LEP: variants seen among roughly 807,000 people sequenced by gnomAD.
LEP encodes the protein leptin, also known as leptin (murine obesity homolog).
LEP carries 6 observed loss-of-function variants against 9.8 expected under a neutral mutation model. The ratio of observed to expected loss-of-function variants is 0.61; its 90% CI spans 0.34 to 1.21. The LOEUF is 1.21. Among genes scored for constraint, LEP ranks in the 50% most tolerant of loss-of-function variants. LEP has a pLI of 0.04. For synonymous variants in LEP, 112 were observed against 81.7 expected, an observed-to-expected ratio of 1.37 and a Z score of -2.00; for missense variants, 134 against 198.1, an observed-to-expected ratio of 0.68 and a Z score of 1.94.
At chr7:128,242,307 C>G (rs980063563) in intron 1 of LEP, among the ~76,000 whole-genome samples, 6 of 152,182 alleles carry the variant, frequency 3.9e-5, no homozygotes, top group Non-Finnish European at 8.8e-5. Flanking sequence ...CACAGGCTCT[C>G]TTCCTTTGCA....
chr7:128,245,325 A>G (rs1795198734), intron 1 of LEP, among the ~76,000 whole-genome samples: 1 of 152,114 alleles, frequency 6.6e-6, no homozygotes, highest in South Asian at 2.1e-4. Context: ...CCATCCCCGG[A>G]GTCCCTCTTC....
chr7:128,255,806 C>G lies in LEP; in HGVS notation c.*1043C>G, dbSNP rs1364724610. 6.6e-6 allele frequency: 1 copy of G among 152,110 alleles called. No homozygotes were observed. The highest frequency in any genetic ancestry group is 1.5e-5 in the Non-Finnish European group (1 of 68,028). The allele number at this position is 152,110 out of a possible 1,614,324, so 9.4% of individuals were successfully genotyped here. A position where few individuals can be genotyped will look rare whatever the true frequency, so the allele number is the denominator to read the frequency against. On this transcript the variant is annotated 3_prime_UTR_variant, in exon 3 of 3. Coordinates refer to ENST00000308868, the MANE Select transcript of LEP (RefSeq NM_000230.3). ...AGAGAAGTTTCTGGCCCTGGCTGACCCCAAAGAGCCTGGAGAAGCTGATGC... is the reference window on the plus strand; with the variant it reads ...AGAGAAGTTTCTGGCCCTGGCTGACGCCAAAGAGCCTGGAGAAGCTGATGC...
chr7:128,247,999 C>T (rs1235618401), intron 1 of LEP, among the ~76,000 whole-genome samples: 1 of 152,182 alleles, frequency 6.6e-6, no homozygotes, highest in African/African-American at 2.4e-5. Flanking sequence ...CTTGGCCAGG[C>T]GCAGTGGCTC....
intron 2 of LEP, among the ~76,000 whole-genome samples, chr7:128,253,648 G>T (rs1795301097): frequency 1.3e-5 from 2 of 152,178 alleles, no homozygotes; most frequent in South Asian, 4.1e-4. Context: ...TGGGCAGTTA[G>T]GGAGAAGTTA....
intron 1 of LEP, among the ~76,000 whole-genome samples, chr7:128,248,807 C>G (rs538575372): frequency 6.6e-6 from 1 of 152,210 alleles, no homozygotes; most frequent in Non-Finnish European, 1.5e-5. Flanking sequence ...CTTCCCACTC[C>G]TGATTCCACT....
chr7:128,250,958 TTTTAA>T (rs1192312332), intron 1 of LEP, among the ~76,000 whole-genome samples: 1 of 152,216 alleles, frequency 6.6e-6, no homozygotes, highest in Non-Finnish European at 1.5e-5. Flanking sequence ...CTGCATATTA[TTTTAA>T]TTTTAGAATT....
chr7:128,250,531 A>G (rs1420126487), intron 1 of LEP, among the ~76,000 whole-genome samples: 1 of 152,116 alleles, frequency 6.6e-6, no homozygotes, highest in African/African-American at 2.4e-5. Flanking sequence ...TGACTCTGTC[A>G]TGGACCTGTT....
At position 128,252,094 on chromosome 7, in the gene LEP, A is replaced by G. The variant is rs1795281758; in HGVS notation, c.76A>G (p.Lys26Glu). 6.2e-7 allele frequency: 1 copy of G among 1,614,050 alleles called. No homozygotes were observed. The highest frequency in any genetic ancestry group is 1.1e-5 in the South Asian group (1 of 91,078). ...CTATGTCCAAGCTGTGCCCATCCAA[A>G]AAGTCCAAGATGACACCAAAACCCT... Reference protein sequence around the residue: ...LFYVQAVPIQKVQDDTKTLIK... With the variant: ...LFYVQAVPIQEVQDDTKTLIK... Residue 26 changes from lysine to glutamate, a missense_variant, in exon 2 of 3, where the codon AAA becomes GAA. Coordinates refer to ENST00000308868, the MANE Select transcript of LEP (RefSeq NM_000230.3).
At chr7:128,251,371 G>A (rs1353623057) in intron 1 of LEP, among the ~76,000 whole-genome samples, 2 of 152,232 alleles carry the variant, frequency 1.3e-5, no homozygotes, top group Non-Finnish European at 2.9e-5. Flanking sequence ...CTCCCAGTGG[G>A]TGGGAGAGAA....
chr7:128,255,129 A>T lies in LEP; in HGVS notation c.*366A>T, dbSNP rs28954118. Reference sequence around the variant, plus strand: ...CCAGGGGTGATTTCAGAGAGGGCAGAGGGGTAGGCAGAGCCTTTGGATGAC... The same window carrying T: ...CCAGGGGTGATTTCAGAGAGGGCAGTGGGGTAGGCAGAGCCTTTGGATGAC... On this transcript the variant is annotated 3_prime_UTR_variant, in exon 3 of 3. Transcript: ENST00000308868. 0.04 allele frequency: 11,554 copies of T among 290,492 alleles called. 278 individuals are homozygous for T. The highest frequency in any genetic ancestry group is 0.099 in the Middle Eastern group (79 of 798). The allele number at this position is 290,492 out of a possible 1,614,324, so 18.0% of individuals were successfully genotyped here.
intron 2 of LEP, among the ~76,000 whole-genome samples, chr7:128,253,218 C>CT (rs2116224676): frequency 6.6e-6 from 1 of 152,266 alleles, no homozygotes; most frequent in Non-Finnish European, 1.5e-5. Flanking sequence ...CATTAGGGTT[C>CT]TTGTAGTTCC....
At chr7:128,253,107 C>T (rs919055457) in intron 2 of LEP, among the ~76,000 whole-genome samples, 15 of 152,086 alleles carry the variant, frequency 9.9e-5, no homozygotes, top group African/African-American at 3.1e-4. Flanking sequence ...TTAGTGCCTA[C>T]GACCAGAGGG....
At chr7:128,252,244 A>C in intron 2 of LEP, 82 bp downstream of exon 2, 1 of 1,502,384 alleles carries the variant, frequency 6.7e-7, no homozygotes, top group Non-Finnish European at 9.2e-7. Context: ...AGATAGTCCA[A>C]GAAACATTTA....
intron 1 of LEP, among the ~76,000 whole-genome samples, chr7:128,246,059 A>C (rs1227678859): frequency 6.6e-6 from 1 of 151,930 alleles, no homozygotes; most frequent in African/African-American, 2.4e-5. Flanking sequence ...CAACAGAGCA[A>C]GACTCCGTCA....
chr7:128,241,741 C>CG (rs1481361116), intron 1 of LEP, among the ~76,000 whole-genome samples: 1 of 152,184 alleles, frequency 6.6e-6, no homozygotes, highest in East Asian at 1.9e-4. Context: ...CCTTGCTCTG[C>CG]GGGTAGGAAT....
chr7:128,256,324 A>G lies in LEP; in HGVS notation c.*1561A>G, dbSNP rs1388365272. 1.3e-5 allele frequency: 2 copies of G among 152,654 alleles called. No individual in the cohort carries two copies. The highest frequency in any genetic ancestry group is 2.4e-5 in the African/African-American group (1 of 41,448). The allele number at this position is 152,654 out of a possible 1,614,324, so 9.5% of individuals were successfully genotyped here. On this transcript the variant is annotated 3_prime_UTR_variant, in exon 3 of 3. Transcript: ENST00000308868. ...ACCATCCTGCTGCTGTGTTTTTGCT[A>G]TCACACAGTGGGTGGTGGATCTGTC...
chr7:128,249,826 C>T (rs1584605216), intron 1 of LEP, among the ~76,000 whole-genome samples: 2 of 152,262 alleles, frequency 1.3e-5, no homozygotes, highest in Middle Eastern at 3.4e-3. Context: ...TCTGCAGACC[C>T]CCATAGGTTT....
At chr7:128,247,316 C>T (rs1795222990) in intron 1 of LEP, among the ~76,000 whole-genome samples, 1 of 152,154 alleles carries the variant, frequency 6.6e-6, no homozygotes, top group South Asian at 2.1e-4. Flanking sequence ...GCTGGGCAGG[C>T]TCACCAGCAT....
chr7:128,246,816 T>G (rs1795216953), intron 1 of LEP, among the ~76,000 whole-genome samples: 1 of 151,936 alleles, frequency 6.6e-6, no homozygotes, highest in Non-Finnish European at 1.5e-5. Flanking sequence ...TCATTTCTTC[T>G]CCAGGGTACC....
Sources: gnomAD v4.1 joint callset for allele counts (sites outside exome capture counted in the v4.1 genomes callset) on GRCh38, gnomAD v4.1.1 for gene constraint, MANE v1.5 for transcripts, NCBI Gene and HGNC (gene_info 2026-07-23, HGNC 2026-07-21) for gene names.